RHBDL3: variants seen among roughly 807,000 people sequenced by gnomAD.
The protein encoded by RHBDL3 is rhomboid-related protein 3.
In RHBDL3, 28 loss-of-function variants were observed where a neutral mutation model predicts 48.2. The observed-to-expected ratio is 0.58, with a 90% CI of 0.43 to 0.80. The LOEUF (loss-of-function observed/expected upper bound fraction) is 0.80, where lower values mean the gene tolerates loss of function less well. RHBDL3 is among the 30% of genes least tolerant of loss of function. The pLI is 0.00. For missense variants in RHBDL3, 464 were observed against 542.7 expected (o/e 0.85, Z 1.44); for synonymous variants, 208 against 232.3 (o/e 0.90, Z 0.95).
chr17:32,309,835 AATGGG>A, intron 7 of RHBDL3, among the ~76,000 whole-genome samples: 1 of 137,690 alleles, frequency 7.3e-6, no homozygotes, highest in African/African-American at 2.8e-5. Context: ...GCTGGAGTGC[AATGGG>A]GTGATCTCGG....
In RHBDL3 at chr17:32,321,325, G is replaced by A. The variant is rs547460913; in HGVS notation, c.*96G>A. 1.3e-6 allele frequency: 2 copies of A among 1,578,530 alleles called. No homozygotes were observed. Among genetic ancestry groups the A allele is most frequent in the African/African-American group, 2.7e-5 (2 of 74,328 alleles). ...CTCATCACCAGCTCAGCTAGGCCGG[G>A]CAGACAAGGACAGAAGACTCTGGGC... is the stretch of plus-strand genomic sequence containing the variant. On this transcript the variant is annotated 3_prime_UTR_variant, in exon 9 of 9. Coordinates refer to ENST00000269051, the MANE Select transcript of RHBDL3 (RefSeq NM_138328.3).
intron 2 of RHBDL3, among the ~76,000 whole-genome samples, chr17:32,283,958 A>G (rs1482562965): frequency 6.6e-6 from 1 of 152,212 alleles, no homozygotes. Context: ...GGAGTCTTCC[A>G]GGGAGACGGA....
At chr17:32,283,036 T>G (rs1398225942) in intron 2 of RHBDL3, among the ~76,000 whole-genome samples, 1 of 152,206 alleles carries the variant, frequency 6.6e-6, no homozygotes, top group Non-Finnish European at 1.5e-5. Context: ...ATTGACCATC[T>G]AGAAAAGGCG....
intron 6 of RHBDL3, among the ~76,000 whole-genome samples, chr17:32,301,394 C>A (rs2040578699): frequency 6.8e-6 from 1 of 146,856 alleles, no homozygotes; most frequent in Admixed American, 6.7e-5. Context: ...TAGTGAGACC[C>A]CCATCTCTAC....
chr17:32,288,566 C>T (rs149614506), intron 3 of RHBDL3, among the ~76,000 whole-genome samples: 7 of 152,100 alleles, frequency 4.6e-5, no homozygotes, highest in South Asian at 2.1e-4. Flanking sequence ...CCTTATCTAA[C>T]GGGAAGACTG....
chr17:32,302,549 ATATTT>A (rs1340446907), intron 6 of RHBDL3, among the ~76,000 whole-genome samples: 20 of 49,284 alleles, frequency 4.1e-4, no homozygotes, highest in Non-Finnish European at 8.1e-4. Flanking sequence ...ATATATATAT[ATATTT>A]TTTTTTAGTA....
intron 6 of RHBDL3, among the ~76,000 whole-genome samples, chr17:32,304,255 A>G (rs2040656114): frequency 6.6e-6 from 1 of 151,942 alleles, no homozygotes. Flanking sequence ...AAGGAGCCCC[A>G]CTGGAGAGAT....
intron 2 of RHBDL3, among the ~76,000 whole-genome samples, chr17:32,280,212 G>C (rs925996081): frequency 6.6e-6 from 1 of 152,128 alleles, no homozygotes; most frequent in Non-Finnish European, 1.5e-5. Context: ...GGGCCCCTAC[G>C]GCCCATTCAC....
Position 32,322,513 on chromosome 17 carries a change from G to C in RHBDL3, c.*1284G>C, listed in dbSNP as rs1187247068. 1 of 152,354 alleles carries C rather than the reference G, an allele frequency of 6.6e-6. No individual in the cohort carries two copies. Among genetic ancestry groups the C allele is most frequent in the Non-Finnish European group, 1.5e-5 (1 of 68,146 alleles). 9.4% of individuals were successfully genotyped at this position (152,354 alleles called of 1,614,324 possible). ...GAGAGAAAGAGCTTTGGGGGCGCAA[G>C]AGAGGCTGGGGTAGGAATGTTGAGG... On this transcript the variant is annotated 3_prime_UTR_variant, in exon 9 of 9. Transcript: ENST00000269051.
chr17:32,306,324 T>C (rs1196405198), intron 7 of RHBDL3, among the ~76,000 whole-genome samples: 2 of 152,102 alleles, frequency 1.3e-5, no homozygotes, highest in African/African-American at 2.4e-5. Flanking sequence ...CTTGGGAGGC[T>C]GAGGCAAGAG....
intron 3 of RHBDL3, among the ~76,000 whole-genome samples, chr17:32,285,152 T>G (rs1426326919): frequency 1.3e-3 from 145 of 108,778 alleles, no homozygotes; most frequent in African/African-American, 1.6e-3. Flanking sequence ...GAGGGAGGGA[T>G]GGAGGGAAGG....
At chr17:32,306,244 A>G (rs907290872) in intron 7 of RHBDL3, among the ~76,000 whole-genome samples, 2 of 151,908 alleles carry the variant, frequency 1.3e-5, no homozygotes, top group Non-Finnish European at 2.9e-5. Context: ...CAACATGGTG[A>G]AACCCCATCT....
chr17:32,269,539 G>A (rs533330565), intron 2 of RHBDL3, among the ~76,000 whole-genome samples: 1 of 152,218 alleles, frequency 6.6e-6, no homozygotes, highest in Non-Finnish European at 1.5e-5. Flanking sequence ...CACGAGGTCT[G>A]GCTGTGGTTT....
chr17:32,269,646 G>A (rs1329990772), intron 2 of RHBDL3, among the ~76,000 whole-genome samples: 1 of 152,224 alleles, frequency 6.6e-6, no homozygotes, highest in Non-Finnish European at 1.5e-5. Context: ...ATGCCCCAAG[G>A]CAGGAGGGAG....
chr17:32,270,124 C>A (rs1480737591), intron 2 of RHBDL3, among the ~76,000 whole-genome samples: 9 of 129,842 alleles, frequency 6.9e-5, no homozygotes, highest in African/African-American at 3.0e-4. Context: ...AAAAGTGAGA[C>A]CCTTTCTCAA....
At position 32,285,764 on chromosome 17, in the gene RHBDL3, C is replaced by T. The variant is rs186678095; in HGVS notation, c.294+947C>T. ...CTCTTCATGTCACCCATGGAGGGAG[C>T]GAGAGTGAAATGACTTGTGTGAAGC... On this transcript the variant is annotated intron_variant, in intron 3 of 8. Coordinates refer to ENST00000269051, the MANE Select transcript of RHBDL3 (RefSeq NM_138328.3). 2.7e-3 allele frequency among the ~76,000 whole-genome samples: 407 copies of T among 152,206 alleles called. 3 individuals are homozygous for T. Among genetic ancestry groups the T allele is most frequent in the African/African-American group, 8.4e-3 (348 of 41,522 alleles).
chr17:32,304,162 C>T (rs1567783107), intron 6 of RHBDL3, among the ~76,000 whole-genome samples: 1 of 152,218 alleles, frequency 6.6e-6, no homozygotes, highest in African/African-American at 2.4e-5. Flanking sequence ...CAGACCAAGC[C>T]TCGCATACCC....
chr17:32,295,992 C>T (rs1425709293), intron 5 of RHBDL3, among the ~76,000 whole-genome samples: 1 of 151,972 alleles, frequency 6.6e-6, no homozygotes, highest in Non-Finnish European at 1.5e-5. Context: ...TTTGGGGGGC[C>T]AAGGCAGGCG....
Position 32,303,604 on chromosome 17 carries a change from G to A in RHBDL3, c.782-1737G>A, listed in dbSNP as rs183740084. Among the ~76,000 whole-genome samples the A allele has an allele frequency of 2.0e-5, 3 of 152,336 alleles. No individual in the cohort carries two copies. The East Asian group carries it at 5.8e-4, about 29-fold the overall frequency. On this transcript the variant is annotated intron_variant, in intron 6 of 8. Transcript: ENST00000269051. ...GAAAGATTTATAGTTGCCCTGGAAG[G>A]GGAGGAGGACTTGGGAGTCCTCAGT...
Sources: gnomAD v4.1 joint callset for allele counts (sites outside exome capture counted in the v4.1 genomes callset) on GRCh38, gnomAD v4.1.1 for gene constraint, MANE v1.5 for transcripts, NCBI Gene and HGNC (gene_info 2026-07-23, HGNC 2026-07-21) for gene names.